Variants in CD1B observed in about 807,000 individuals in gnomAD.
The protein encoded by CD1B is CD1b molecule.
A neutral mutation model predicts 39.8 loss-of-function variants in CD1B; 43 were observed. That is an observed-to-expected ratio of 1.08 (90% CI 0.85 to 1.39). The LOEUF (loss-of-function observed/expected upper bound fraction) is 1.39, where lower values mean the gene tolerates loss of function less well. CD1B is among the 40% of genes most tolerant of loss of function. The probability of loss-of-function intolerance (pLI) is 0.00; values close to 1 mark genes in which losing one functional copy is unlikely to be tolerated. For synonymous variants in CD1B, 192 were observed against 152.5 expected, an observed-to-expected ratio of 1.26 and a Z score of -1.91; for missense variants, 495 against 403.8, an observed-to-expected ratio of 1.23 and a Z score of -1.94.
downstream of CD1B, among the ~76,000 whole-genome samples, chr1:158,326,977 A>G (rs1652376437): frequency 6.6e-6 from 1 of 152,026 alleles, no homozygotes; most frequent in Non-Finnish European, 1.5e-5. Context: ...TTGTATTTTT[A>G]GTAGAGACAG....
the CD1B span, among the ~76,000 whole-genome samples, chr1:158,294,750 T>A: frequency 6.6e-6 from 1 of 152,254 alleles, no homozygotes; most frequent in Non-Finnish European, 1.5e-5. Context: ...TTTATTAAGA[T>A]GGAAATAAAC....
chr1:158,299,259 T>A, the CD1B span, among the ~76,000 whole-genome samples: 1 of 152,232 alleles, frequency 6.6e-6, no homozygotes, highest in African/African-American at 2.4e-5. Flanking sequence ...CTTTTCTGCA[T>A]CTATTGAGAT....
chr1:158,292,443 G>C, the CD1B span: 1 of 1,521,230 alleles, frequency 6.6e-7, no homozygotes, highest in Middle Eastern at 1.8e-4. Context: ...TCAAACTCAG[G>C]ACAAGAAAGA....
In CD1B at chr1:158,331,384, G is replaced by A. The variant is rs747786661; in HGVS notation, c.40C>T (p.Pro14Ser). 12 of 1,614,018 alleles carry A rather than the reference G, an allele frequency of 7.4e-6. No individual in the cohort carries two copies. The South Asian group carries it at 9.9e-5, about 13-fold the overall frequency. Residue 14 changes from proline (P) to serine (S), a missense_variant, in exon 1 of 6, where the codon CCT (proline) becomes TCT (serine). By Grantham distance (74) the Pro-to-Ser change is moderately conservative. Transcript: ENST00000368168. ...LPFQLLAVLF[P>S]GGNSEHAFQG... Reference sequence around the variant, plus strand: ...TTACCATGTTCACTGTTACCACCAGGAAAGAGAACAGCTAACAGTTGAAAT... The same window carrying A: ...TTACCATGTTCACTGTTACCACCAGAAAAGAGAACAGCTAACAGTTGAAAT...
chr1:158,302,403 C>A, the CD1B span, among the ~76,000 whole-genome samples: 233 of 151,268 alleles, frequency 1.5e-3, no homozygotes, highest in African/African-American at 5.6e-3. Context: ...GGAAAAAAAA[C>A]CTAAAGCTAG....
the CD1B span, among the ~76,000 whole-genome samples, chr1:158,294,984 C>T: frequency 6.6e-6 from 1 of 152,118 alleles, no homozygotes; most frequent in Admixed American, 6.6e-5. Flanking sequence ...TTGCTCATTT[C>T]CTTGGCACCA....
the CD1B span, among the ~76,000 whole-genome samples, chr1:158,312,947 C>G: frequency 3.6e-4 from 55 of 152,202 alleles, no homozygotes; most frequent in African/African-American, 1.3e-3. Context: ...AAATTTCTTT[C>G]ATCTTTTCCC....
the CD1B span, among the ~76,000 whole-genome samples, chr1:158,287,534 A>G: frequency 6.6e-6 from 1 of 152,122 alleles, no homozygotes; most frequent in East Asian, 1.9e-4. Context: ...CTTTCAGTCC[A>G]TAACAATGAG....
chr1:158,296,984 T>C, the CD1B span, among the ~76,000 whole-genome samples: 1 of 152,116 alleles, frequency 6.6e-6, no homozygotes, highest in Admixed American at 6.6e-5. Context: ...CTGATGTCCC[T>C]GAAAGAGAGA....
chr1:158,297,395 A>G, the CD1B span, among the ~76,000 whole-genome samples: 1 of 152,218 alleles, frequency 6.6e-6, no homozygotes, highest in Non-Finnish European at 1.5e-5. Context: ...GCAAATGCTA[A>G]GGAAATTTAT....
the CD1B span, among the ~76,000 whole-genome samples, chr1:158,314,642 G>GT: frequency 3.8e-4 from 57 of 150,716 alleles, no homozygotes; most frequent in South Asian, 1.3e-3. Flanking sequence ...GTTTTGTTTT[G>GT]TTTTTTTTAT....
At chr1:158,315,089 C>T in the CD1B span, among the ~76,000 whole-genome samples, 2 of 151,224 alleles carry the variant, frequency 1.3e-5, no homozygotes, top group Admixed American at 6.6e-5. Context: ...CAAGTCTTTG[C>T]TATTGTGAAT....
At chr1:158,319,073 C>G in the CD1B span, among the ~76,000 whole-genome samples, 1 of 151,572 alleles carries the variant, frequency 6.6e-6, no homozygotes, top group Non-Finnish European at 1.5e-5. Flanking sequence ...GTAACCCGAC[C>G]TTTCTCTCTG....
chr1:158,326,318 T>A (rs1455425667), downstream of CD1B, among the ~76,000 whole-genome samples: 1 of 152,174 alleles, frequency 6.6e-6, no homozygotes, highest in Non-Finnish European at 1.5e-5. Context: ...AAGGGGCATG[T>A]TAAATGACAT....
At chr1:158,293,242 T>C in the CD1B span, 4 of 1,614,136 alleles carry the variant, frequency 2.5e-6, no homozygotes, top group South Asian at 4.4e-5. Flanking sequence ...TGGATTGCCT[T>C]GGTAGTGATA....
intron 2 of CD1B, 143 bp downstream of exon 2, chr1:158,330,653 T>C: frequency 1.2e-6 from 1 of 828,580 alleles, no homozygotes; most frequent in Non-Finnish European, 2.1e-6. Context: ...GAAGCTGGAG[T>C]GAGAGACTAC....
At chr1:158,299,554 AG>A in the CD1B span, among the ~76,000 whole-genome samples, 3 of 152,244 alleles carry the variant, frequency 2.0e-5, no homozygotes, top group African/African-American at 7.2e-5. Context: ...TAGTTTCAGA[AG>A]GAATGGTACC....
At chr1:158,313,933 T>G in the CD1B span, among the ~76,000 whole-genome samples, 1 of 152,164 alleles carries the variant, frequency 6.6e-6, no homozygotes, top group African/African-American at 2.4e-5. Flanking sequence ...TCTTCTAAGT[T>G]TTACAATTTG....
chr1:158,300,025 GC>G, the CD1B span, among the ~76,000 whole-genome samples: 1 of 151,960 alleles, frequency 6.6e-6, no homozygotes, highest in Non-Finnish European at 1.5e-5. Context: ...CTTGTCTTCG[GC>G]TAGCTTTTGA....
Sources: allele counts gnomAD v4.1 joint callset (sites outside exome capture counted in the v4.1 genomes callset), GRCh38; gene constraint gnomAD v4.1.1; transcripts MANE v1.5; gene names NCBI Gene and HGNC (gene_info 2026-07-23, HGNC 2026-07-21).